Variants in ATXN1 observed in about 807,000 individuals in gnomAD.
ATXN1 encodes ataxin-1.
A neutral mutation model predicts 56.4 loss-of-function variants in ATXN1; 8 were observed. That is an observed-to-expected ratio of 0.14 (90% CI 0.08 to 0.26). The LOEUF (loss-of-function observed/expected upper bound fraction) is 0.26, where lower values mean the gene tolerates loss of function less well. Among genes scored for constraint, ATXN1 ranks in the 10% least tolerant of loss-of-function variants. The pLI, the probability that ATXN1 is intolerant of heterozygous loss-of-function variation, is 1.00. For synonymous variants in ATXN1, 514 were observed against 494.6 expected (o/e 1.04, Z -0.52); for missense variants, 987 against 1,106.5 (o/e 0.89, Z 1.53).
chr6:16,616,026 C>T (rs890668115), intron 3 of ATXN1: 1 of 151,470 alleles, frequency 6.6e-6, no homozygotes, highest in Admixed American at 6.6e-5. Flanking sequence ...CAGAGCAAGA[C>T]TCTGTCTCAA....
chr6:16,434,291 C>G (rs114956838), intron 6 of ATXN1, among the ~76,000 whole-genome samples: 2,140 of 152,306 alleles, frequency 0.014, 45 homozygotes, highest in African/African-American at 0.049. Context: ...CAATCAACCC[C>G]TTTCCTTCTT....
chr6:16,480,349 C>G (rs1215789038), intron 6 of ATXN1, among the ~76,000 whole-genome samples: 1 of 152,098 alleles, frequency 6.6e-6, no homozygotes, highest in Non-Finnish European at 1.5e-5. Flanking sequence ...TATTCCTAGT[C>G]TCTTCTCAAA....
At chr6:16,633,855 G>A (rs929924869) in intron 3 of ATXN1, among the ~76,000 whole-genome samples, 2 of 152,196 alleles carry the variant, frequency 1.3e-5, no homozygotes, top group Non-Finnish European at 2.9e-5. Flanking sequence ...ATTTACGCTT[G>A]CACCTTATTT....
chr6:16,445,364 G>T (rs1346898585), intron 6 of ATXN1, among the ~76,000 whole-genome samples: 1 of 152,046 alleles, frequency 6.6e-6, no homozygotes, highest in Non-Finnish European at 1.5e-5. Flanking sequence ...AAGGTCCAGG[G>T]AATACTGTTA....
intron 4 of ATXN1, among the ~76,000 whole-genome samples, chr6:16,553,116 C>T (rs867976546): frequency 5.9e-5 from 9 of 152,216 alleles, no homozygotes; most frequent in African/African-American, 1.9e-4. Context: ...TGCCATGGCC[C>T]TTCCAGCTGG....
At chr6:16,626,820 C>G (rs188990243) in intron 3 of ATXN1, among the ~76,000 whole-genome samples, 234 of 152,232 alleles carry the variant, frequency 1.5e-3, no homozygotes, top group African/African-American at 5.2e-3. Context: ...GTCCTTGTAA[C>G]AGGAGACTGG....
intron 6 of ATXN1, among the ~76,000 whole-genome samples, chr6:16,481,523 T>C (rs1760438576): frequency 6.6e-6 from 1 of 152,180 alleles, no homozygotes; most frequent in Non-Finnish European, 1.5e-5. Context: ...CATTTCTTCC[T>C]AGGAATAAAG....
chr6:16,588,535 A>G (rs1762668149), intron 3 of ATXN1, among the ~76,000 whole-genome samples: 1 of 152,196 alleles, frequency 6.6e-6, no homozygotes, highest in African/African-American at 2.4e-5. Flanking sequence ...AGACTTCCTC[A>G]GCCAGGTCAC....
intron 3 of ATXN1, among the ~76,000 whole-genome samples, chr6:16,624,846 A>G (rs1036556678): frequency 2.6e-5 from 4 of 152,196 alleles, no homozygotes; most frequent in African/African-American, 7.2e-5. Flanking sequence ...TCACACTTGC[A>G]GTTTAACTTC....
In ATXN1 at chr6:16,662,661, T is replaced by C. The variant is rs964248241; in HGVS notation, c.-614-4760A>G. ...TCATCAGGCTTCTTAACCTGCCACATAGCTCTACAATTCTTGCATCTTTGA... is the reference window on the plus strand; with the variant it reads ...TCATCAGGCTTCTTAACCTGCCACACAGCTCTACAATTCTTGCATCTTTGA... On this transcript the variant is annotated intron_variant, in intron 2 of 7. Transcript: ENST00000436367. Among the ~76,000 whole-genome samples the C allele has an allele frequency of 1.5e-4, 23 of 152,200 alleles. 1 individual carries two copies. The highest frequency in any genetic ancestry group is 5.9e-5 in the Non-Finnish European group (4 of 68,042).
intron 6 of ATXN1, among the ~76,000 whole-genome samples, chr6:16,375,242 G>A (rs558445250): frequency 6.6e-6 from 1 of 152,340 alleles, no homozygotes; most frequent in African/African-American, 2.4e-5. Flanking sequence ...ATTTGAAAAG[G>A]ATATATTATT....
intron 7 of ATXN1, among the ~76,000 whole-genome samples, chr6:16,307,241 C>T (rs763245121): frequency 6.6e-6 from 1 of 152,218 alleles, no homozygotes; most frequent in African/African-American, 2.4e-5. Context: ...AAGCCCAGCG[C>T]GGTCTTAGAT....
At chr6:16,559,386 A>G (rs1762073562) in intron 4 of ATXN1, among the ~76,000 whole-genome samples, 1 of 151,934 alleles carries the variant, frequency 6.6e-6, no homozygotes, top group African/African-American at 2.4e-5. Flanking sequence ...AAAAAAAAAA[A>G]GTCCATCAAT....
chr6:16,673,405 T>G (rs1758588230), intron 2 of ATXN1, among the ~76,000 whole-genome samples: 1 of 152,202 alleles, frequency 6.6e-6, no homozygotes. Flanking sequence ...GCAATGCTGC[T>G]ACCTCTTTTC....
chr6:16,576,073 C>T (rs914194413), intron 4 of ATXN1, among the ~76,000 whole-genome samples: 8 of 150,720 alleles, frequency 5.3e-5, no homozygotes, highest in African/African-American at 2.0e-4. Flanking sequence ...ATGTGCTTTT[C>T]TAGGAAAATT....
intron 5 of ATXN1, among the ~76,000 whole-genome samples, chr6:16,501,266 A>C (rs1760880560): frequency 6.6e-6 from 1 of 152,206 alleles, no homozygotes; most frequent in South Asian, 2.1e-4. Context: ...TTCTGTTTCC[A>C]TTATTATGCC....
chr6:16,471,567 T>C (rs769421191), intron 6 of ATXN1, among the ~76,000 whole-genome samples: 1 of 151,984 alleles, frequency 6.6e-6, no homozygotes, highest in African/African-American at 2.4e-5. Flanking sequence ...TATCATAGAG[T>C]GACACTAGAC....
chr6:16,687,969 C>G (rs1758955561), intron 2 of ATXN1, among the ~76,000 whole-genome samples: 1 of 152,204 alleles, frequency 6.6e-6, no homozygotes, highest in Admixed American at 6.5e-5. Flanking sequence ...AGCCATGCTT[C>G]TACCTGTGAA....
chr6:16,606,495 GTTTGTTTGTGGTTTT>G (rs1322188015), intron 3 of ATXN1, among the ~76,000 whole-genome samples: 2 of 149,054 alleles, frequency 1.3e-5, no homozygotes, highest in Non-Finnish European at 3.0e-5. Flanking sequence ...TTGTTTGTTC[GTTTGTTTGTGGTTTT>G]TTTGTTTGTG....
Sources: allele counts gnomAD v4.1 joint callset (sites outside exome capture counted in the v4.1 genomes callset), GRCh38; gene constraint gnomAD v4.1.1; transcripts MANE v1.5; gene names NCBI Gene and HGNC (gene_info 2026-07-23, HGNC 2026-07-21).